PDE3B: variants seen among roughly 807,000 people sequenced by gnomAD.
PDE3B encodes the protein cGMP-inhibited 3',5'-cyclic phosphodiesterase 3B.
A neutral mutation model predicts 116.8 loss-of-function variants in PDE3B; 66 were observed. That is an observed-to-expected ratio of 0.56 (90% CI 0.46 to 0.69). The LOEUF (loss-of-function observed/expected upper bound fraction) is 0.69. Among genes scored for constraint, PDE3B ranks in the 30% least tolerant of loss-of-function variants. The probability of loss-of-function intolerance (pLI) is 0.00; values close to 1 mark genes in which losing one functional copy is unlikely to be tolerated. For missense variants in PDE3B, 1,384 were observed against 1,368.1 expected (o/e 1.01, Z -0.18); for synonymous variants, 595 against 533.6 (o/e 1.12, Z -1.59).
At chr11:14,838,464 A>T (rs1268656946) in intron 11 of PDE3B, among the ~76,000 whole-genome samples, 1 of 152,202 alleles carries the variant, frequency 6.6e-6, no homozygotes, top group Admixed American at 6.5e-5. Flanking sequence ...TCATTTGGAT[A>T]GATTTAAATA....
At chr11:14,887,509 T>C in the PDE3B span, 151 of 807,338 alleles carry the variant, frequency 1.9e-4, no homozygotes, top group Non-Finnish European at 2.2e-4. Context: ...CTTTGATCTA[T>C]GGAAGGGTAC....
chr11:14,746,309 C>A (rs1254330036), intron 1 of PDE3B, among the ~76,000 whole-genome samples: 1 of 152,084 alleles, frequency 6.6e-6, no homozygotes, highest in African/African-American at 2.4e-5. Flanking sequence ...CACAAGAACC[C>A]AGGAGGCGGA....
chr11:14,650,965 G>A (rs145348005), intron 1 of PDE3B, among the ~76,000 whole-genome samples: 2 of 151,858 alleles, frequency 1.3e-5, no homozygotes, highest in Non-Finnish European at 2.9e-5. Context: ...GTTATTTTAT[G>A]CCTTTGAATT....
chr11:14,669,187 G>A (rs1055277897), intron 1 of PDE3B, among the ~76,000 whole-genome samples: 1 of 152,158 alleles, frequency 6.6e-6, no homozygotes, highest in Non-Finnish European at 1.5e-5. Context: ...TCATTTGAAA[G>A]AAGCCGTGGC....
chr11:14,769,794 GA>G (rs1376584368), intron 1 of PDE3B, among the ~76,000 whole-genome samples: 20 of 143,988 alleles, frequency 1.4e-4, no homozygotes, highest in African/African-American at 5.0e-4. Context: ...TAATTTTCAA[GA>G]TTTTTTTTTT....
chr11:14,786,890 T>A (rs1054820031), intron 3 of PDE3B, among the ~76,000 whole-genome samples: 3 of 152,016 alleles, frequency 2.0e-5, no homozygotes, highest in Non-Finnish European at 2.9e-5. Context: ...TTGCTGTGAT[T>A]AGCACTTATA....
chr11:14,728,402 A>G (rs1487014204), intron 1 of PDE3B, among the ~76,000 whole-genome samples: 1 of 152,124 alleles, frequency 6.6e-6, no homozygotes, highest in Non-Finnish European at 1.5e-5. Context: ...CTAACATTGT[A>G]AAGAATGTCA....
Position 14,644,917 on chromosome 11 carries a change from C to G in PDE3B, c.842C>G (p.Ala281Gly). The change falls in exon 1 of 16, where the codon GCC becomes GGC. Residue 281 changes from alanine to glycine, a missense_variant. By Grantham distance (60) the Ala-to-Gly change is moderately conservative. Around this residue, in one of 2 missense-constraint regions of PDE3B, gnomAD observed 956 missense variants for 806.8 expected, o/e 1.18. Coordinates refer to ENST00000282096, the MANE Select transcript of PDE3B (RefSeq NM_000922.4). ...CCTCTTCATCCTCGACTGTCCAGTG[C>G]CGCCGAAGAAAAAGTGCCTGTGATC... Reference protein sequence around the residue: ...EAPLHPRLSSAAEEKVPVIRP... With the variant: ...EAPLHPRLSSGAEEKVPVIRP... 6.2e-7 allele frequency: 1 copy of G among 1,614,152 alleles called. No individual in the cohort carries two copies. The highest frequency in any genetic ancestry group is 1.1e-5 in the South Asian group (1 of 91,078).
chr11:14,874,893 C>A (rs1228496109), downstream of PDE3B, among the ~76,000 whole-genome samples: 1 of 152,136 alleles, frequency 6.6e-6, no homozygotes, highest in Non-Finnish European at 1.5e-5. Context: ...TCAGTCATCA[C>A]TTGGTTCACT....
At chr11:14,838,048 G>A (rs1360210769) in intron 11 of PDE3B, among the ~76,000 whole-genome samples, 3 of 151,472 alleles carry the variant, frequency 2.0e-5, no homozygotes, top group South Asian at 4.2e-4. Context: ...GCGCGATCTC[G>A]GCTCAGTGCA....
chr11:14,751,366 C>A (rs1019508134), intron 1 of PDE3B, among the ~76,000 whole-genome samples: 8 of 152,080 alleles, frequency 5.3e-5, no homozygotes, highest in African/African-American at 1.7e-4. Context: ...CAGTTTGTTT[C>A]AAGAAATTGA....
intron 2 of PDE3B, among the ~76,000 whole-genome samples, chr11:14,778,107 G>A (rs969484536): frequency 3.9e-5 from 6 of 152,300 alleles, no homozygotes; most frequent in Non-Finnish European, 7.4e-5. Flanking sequence ...AAGCAGCAGC[G>A]AGGCTGGGGG....
At chr11:14,815,529 G>A (rs927971494) in intron 5 of PDE3B, among the ~76,000 whole-genome samples, 2 of 152,170 alleles carry the variant, frequency 1.3e-5, no homozygotes, top group Non-Finnish European at 2.9e-5. Context: ...GCTGCCCATA[G>A]TTTTTTGTCA....
intron 1 of PDE3B, among the ~76,000 whole-genome samples, chr11:14,663,040 G>C (rs1322123388): frequency 6.6e-6 from 1 of 152,128 alleles, no homozygotes; most frequent in South Asian, 2.1e-4. Context: ...AGGAAAAAAT[G>C]TTAAGGGCAG....
At chr11:14,647,140 C>T (rs980215561) in intron 1 of PDE3B, among the ~76,000 whole-genome samples, 1 of 151,768 alleles carries the variant, frequency 6.6e-6, no homozygotes, top group African/African-American at 2.4e-5. Context: ...GAGAGGAAAT[C>T]AGTACTTTTA....
chr11:14,897,812 C>T, the PDE3B span, among the ~76,000 whole-genome samples: 10 of 152,230 alleles, frequency 6.6e-5, no homozygotes, highest in East Asian at 3.9e-4. Context: ...TGCTCCAGAC[C>T]GCCTCTGTTG....
Position 14,818,173 on chromosome 11 carries a change from AT to A in PDE3B, c.1523-5del. ...TTATTTATCTATCTCCTTTCTTTTAATTTTTAAAGGTGTTTTGTCCAGTCTG... is the reference window on the plus strand; with the variant it reads ...TTATTTATCTATCTCCTTTCTTTTAATTTTAAAGGTGTTTTGTCCAGTCTG... On this transcript the variant is annotated splice_polypyrimidine_tract_variant and intron_variant, in intron 5 of 15. Transcript: ENST00000282096. 3 of 1,569,792 alleles carry A rather than the reference AT, an allele frequency of 1.9e-6. No individual in the cohort carries two copies. Among genetic ancestry groups the A allele is most frequent in the Non-Finnish European group, 2.6e-6 (3 of 1,141,088 alleles).
rs59685155 is a variant in PDE3B, at chr11:14,790,330, C to CT, written c.1415+1102dup. On this transcript the variant is annotated intron_variant, in intron 4 of 15. Coordinates refer to ENST00000282096, the MANE Select transcript of PDE3B (RefSeq NM_000922.4). ...TTTGCCATGGCCTGAACATCATAGT[C>CT]TTTTTTTTTTTTTTGTAAAGGAAGC... Among the ~76,000 whole-genome samples the CT allele has an allele frequency of 4.2e-3, 568 of 136,116 alleles. 1 individual carries two copies. Among genetic ancestry groups the CT allele is most frequent in the African/African-American group, 9.0e-3 (335 of 37,270 alleles). The allele number at this position is 136,116 out of a possible 152,430, so 89.3% of individuals were successfully genotyped here. A position where few individuals can be genotyped will look rare whatever the true frequency, so the allele number is the denominator to read the frequency against.
rs1858801297 is a variant in PDE3B, at chr11:14,802,350, A to G, written c.1416-1594A>G. On this transcript the variant is annotated intron_variant, in intron 4 of 15. Transcript: ENST00000282096. ...GGAAAAGCGTAGTATCTGGGCTGGA[A>G]TGCACTGTTCCTCACGGCACAGTTC... is the stretch of plus-strand genomic sequence containing the variant. 1.3e-5 allele frequency among the ~76,000 whole-genome samples: 2 copies of G among 152,148 alleles called. 1 individual carries two copies. The highest frequency in any genetic ancestry group is 4.1e-4 in the South Asian group (2 of 4,826).
Sources: gnomAD v4.1 joint callset for allele counts (sites outside exome capture counted in the v4.1 genomes callset) on GRCh38, gnomAD v4.1.1 for gene constraint, gnomAD v4.1.1 regional missense constraint, MANE v1.5 for transcripts, NCBI Gene and HGNC (gene_info 2026-07-23, HGNC 2026-07-21) for gene names.